CUTC: variants seen among roughly 807,000 people sequenced by gnomAD.
CUTC encodes copper homeostasis protein cutC homolog.
In CUTC, 27 loss-of-function variants were observed where a neutral mutation model predicts 36.2. The observed-to-expected ratio is 0.75, with a 90% CI of 0.55 to 1.03. The LOEUF (loss-of-function observed/expected upper bound fraction) is 1.03. Ranked by LOEUF, CUTC falls within the 50% of genes least tolerant of loss-of-function variation. The pLI is 0.00. For synonymous variants in CUTC, 114 were observed against 118.3 expected, an observed-to-expected ratio of 0.96 and a Z score of 0.24; for missense variants, 315 against 343.5, an observed-to-expected ratio of 0.92 and a Z score of 0.66.
At chr10:99,737,736 T>C (rs2037308254) in intron 2 of CUTC, among the ~76,000 whole-genome samples, 1 of 152,216 alleles carries the variant, frequency 6.6e-6, no homozygotes, top group South Asian at 2.1e-4. Context: ...ATAGCCCACA[T>C]GCCATGGTTT....
chr10:99,744,439 C>A (rs1232926699), intron 5 of CUTC, among the ~76,000 whole-genome samples: 1 of 152,112 alleles, frequency 6.6e-6, no homozygotes, highest in African/African-American at 2.4e-5. Context: ...ATTGTTGTGG[C>A]TGGTGAAATG....
At chr10:99,739,646 C>A in intron 2 of CUTC, 64 bp from the exon 3 acceptor site, 1 of 1,386,182 alleles carries the variant, frequency 7.2e-7, no homozygotes, top group Non-Finnish European at 1.0e-6. Flanking sequence ...TATATATAAA[C>A]AGGTTGCTGT....
At chr10:99,734,819 G>C (rs2037281569) in intron 1 of CUTC, among the ~76,000 whole-genome samples, 1 of 151,908 alleles carries the variant, frequency 6.6e-6, no homozygotes, top group East Asian at 1.9e-4. Context: ...CCTTACTTAG[G>C]AGGCCAGACG....
intron 7 of CUTC, among the ~76,000 whole-genome samples, chr10:99,751,223 TC>T (rs2133678941): frequency 6.6e-6 from 1 of 151,990 alleles, no homozygotes; most frequent in South Asian, 2.1e-4. Context: ...TAATGACAAT[TC>T]CATTATCACA....
At chr10:99,754,748 A>G (rs2037442691) in intron 8 of CUTC, 114 bp downstream of exon 8, 4 of 702,708 alleles carry the variant, frequency 5.7e-6, no homozygotes, top group Non-Finnish European at 1.0e-5. Context: ...TGTGACTACT[A>G]CATAAGTATT....
chr10:99,755,935 G>C lies in CUTC; in HGVS notation c.*196G>C, dbSNP rs1407492932. On this transcript the variant is annotated 3_prime_UTR_variant, in exon 9 of 9. Transcript: ENST00000370476. Reference sequence around the variant, plus strand: ...GAGATACAGTCACTTCCTTTGCTTAGTCTTACCAGTGATTGTCATCATGGT... The same window carrying C: ...GAGATACAGTCACTTCCTTTGCTTACTCTTACCAGTGATTGTCATCATGGT... 2.0e-6 allele frequency: 1 copy of C among 511,936 alleles called. No homozygotes were observed. The highest frequency in any genetic ancestry group is 3.5e-6 in the Non-Finnish European group (1 of 289,572). The allele number at this position is 511,936 out of a possible 1,614,324, so 31.7% of individuals were successfully genotyped here.
Position 99,732,306 on chromosome 10 carries a change from C to T in CUTC, c.-43C>T, listed in dbSNP as rs749748560. The stretch of plus-strand genomic sequence containing the variant: ...GCTGGTGCGCGCCGGAGCCCAAATT[C>T]CAAGTGGAAACTGCAGGCGCACGAG... On this transcript the variant is annotated 5_prime_UTR_variant, in exon 1 of 9. Coordinates refer to ENST00000370476, the MANE Select transcript of CUTC (RefSeq NM_015960.3). 2.1e-5 allele frequency: 32 copies of T among 1,549,836 alleles called. No individual in the cohort carries two copies. Among genetic ancestry groups the T allele is most frequent in the Non-Finnish European group, 2.8e-5 (32 of 1,146,454 alleles).
chr10:99,741,310 A>C (rs1345156552), intron 3 of CUTC, among the ~76,000 whole-genome samples: 1 of 152,100 alleles, frequency 6.6e-6, no homozygotes, highest in African/African-American at 2.4e-5. Context: ...TGAATTTTGA[A>C]ATTTTCCTGT....
intron 3 of CUTC, 27 bp from the exon 4 acceptor site, chr10:99,743,126 A>G (rs775676109): frequency 1.8e-5 from 29 of 1,607,872 alleles, no homozygotes; most frequent in Non-Finnish European, 2.2e-5. Context: ...TCACATTTGA[A>G]TTTTAATCTG....
intron 3 of CUTC, among the ~76,000 whole-genome samples, chr10:99,742,484 A>G (rs1010919184): frequency 6.6e-6 from 1 of 152,148 alleles, no homozygotes; most frequent in African/African-American, 2.4e-5. Flanking sequence ...TTCATTGCTT[A>G]GTATTGGACA....
chr10:99,745,543 G>A (rs2037372135), intron 5 of CUTC, among the ~76,000 whole-genome samples: 1 of 152,148 alleles, frequency 6.6e-6, no homozygotes. Flanking sequence ...TGAGGGCTCT[G>A]AGGAGGGGAG....
chr10:99,735,262 A>C (rs1564654737), intron 1 of CUTC, among the ~76,000 whole-genome samples: 2 of 152,206 alleles, frequency 1.3e-5, no homozygotes, highest in Non-Finnish European at 2.9e-5. Context: ...ATGAGTTCAA[A>C]AGAGGGACAT....
chr10:99,752,145 T>G (rs2037423751), intron 7 of CUTC, among the ~76,000 whole-genome samples: 1 of 152,170 alleles, frequency 6.6e-6, no homozygotes, highest in Non-Finnish European at 1.5e-5. Context: ...TTCAAAATAG[T>G]GACACCTAGA....
At chr10:99,743,866 G>A (rs944176189) in intron 4 of CUTC, among the ~76,000 whole-genome samples, 171 bp from the exon 5 acceptor site, 1 of 152,116 alleles carries the variant, frequency 6.6e-6, no homozygotes, top group African/African-American at 2.4e-5. Context: ...AGAGATTTGT[G>A]GAAAGATAAG....
intron 5 of CUTC, among the ~76,000 whole-genome samples, chr10:99,745,578 G>C (rs535443967): frequency 1.3e-5 from 2 of 152,240 alleles, no homozygotes; most frequent in African/African-American, 4.8e-5. Context: ...GTAGGATGGG[G>C]CTGGGCACAG....
Position 99,743,331 on chromosome 10 carries a change from C to G in CUTC, c.372C>G (p.His124Gln), listed in dbSNP as rs531007373. Residue 124 changes from histidine (H) to glutamine (Q), a missense_variant, in exon 4 of 9, where the codon CAC becomes CAG. His to Gln is a conservative substitution (Grantham distance 24). Transcript: ENST00000370476. ...LVFGALTEDG[H>Q]IDKELCMSLM... ...TTGGGGCATTGACTGAAGATGGACA[C>G]ATTGACAAAGAGCTGTGTATGTCCC... is the stretch of plus-strand genomic sequence containing the variant. 5 of 1,613,992 alleles carry G rather than the reference C, an allele frequency of 3.1e-6. No individual in the cohort carries two copies. The highest frequency in any genetic ancestry group is 3.4e-6 in the Non-Finnish European group (4 of 1,180,026).
intron 2 of CUTC, 33 bp from the exon 3 acceptor site, chr10:99,739,677 A>T (rs1473270381): frequency 3.1e-6 from 5 of 1,598,862 alleles, no homozygotes; most frequent in East Asian, 4.5e-5. Context: ...CTTATTTTTT[A>T]AAAATGTGTT....
At chr10:99,741,299 A>G (rs965369737) in intron 3 of CUTC, among the ~76,000 whole-genome samples, 2 of 152,242 alleles carry the variant, frequency 1.3e-5, no homozygotes, top group African/African-American at 4.8e-5. Context: ...CCCTGTGACC[A>G]TGAATTTTGA....
chr10:99,753,936 A>G (rs538926633), intron 7 of CUTC, among the ~76,000 whole-genome samples: 132 of 152,366 alleles, frequency 8.7e-4, no homozygotes, highest in Admixed American at 2.3e-3. Context: ...TCAGTTCAGA[A>G]TATGATTCTT....
Sources: allele counts gnomAD v4.1 joint callset (sites outside exome capture counted in the v4.1 genomes callset), GRCh38; gene constraint gnomAD v4.1.1; transcripts MANE v1.5; gene names NCBI Gene and HGNC (gene_info 2026-07-23, HGNC 2026-07-21).